Variants in FKBP5 observed in about 807,000 individuals in gnomAD.
The protein encoded by FKBP5 is peptidyl-prolyl cis-trans isomerase FKBP5.
FKBP5 carries 23 observed loss-of-function variants against 50.5 expected under a neutral mutation model. The ratio of observed to expected loss-of-function variants is 0.46; its 90% confidence interval spans 0.33 to 0.65. FKBP5 has a LOEUF of 0.65. Among genes scored for constraint, FKBP5 ranks in the 30% least tolerant of loss-of-function variants. FKBP5 has a pLI of 0.02. For synonymous variants in FKBP5, 176 were observed against 190.6 expected, an observed-to-expected ratio of 0.92 and a Z score of 0.63; for missense variants, 411 against 553.1, an observed-to-expected ratio of 0.74 and a Z score of 2.58.
chr6:35,707,829 A>G (rs149588390), intron 2 of FKBP5, among the ~76,000 whole-genome samples: 130 of 152,244 alleles, frequency 8.5e-4, no homozygotes, highest in Middle Eastern at 6.8e-3. Flanking sequence ...TTCTTGCATT[A>G]GTTTGCTAAA....
rs1766624376 is a variant in FKBP5, at chr6:35,722,211, C to A, written c.-240-1663G>T. ...TATGGCCTGTCCCCTTCCCAACTGC[C>A]AAGGATATAAGTTTCTTGAAAGCTG... is the stretch of plus-strand genomic sequence containing the variant. On this transcript the variant is annotated intron_variant, in intron 1 of 11. Coordinates refer to the FKBP5 transcript ENST00000536438. Among the ~76,000 whole-genome samples, 3 of 152,038 alleles carry A rather than the reference C, an allele frequency of 2.0e-5. 1 individual carries two copies. The South Asian group carries it at 6.2e-4, about 31-fold the overall frequency.
At chr6:35,701,340 T>G (rs2151018785) in intron 2 of FKBP5, among the ~76,000 whole-genome samples, 1 of 146,782 alleles carries the variant, frequency 6.8e-6, no homozygotes, top group South Asian at 2.2e-4. Flanking sequence ...GCCTCCCGGG[T>G]TCACGCCATT....
chr6:35,700,185 C>T (rs1341957555), intron 2 of FKBP5, among the ~76,000 whole-genome samples: 2 of 152,052 alleles, frequency 1.3e-5, no homozygotes, highest in Admixed American at 1.3e-4. Context: ...TTTTCTGAGA[C>T]AGTCTCGCTC....
intron 2 of FKBP5, among the ~76,000 whole-genome samples, chr6:35,708,996 T>C (rs1766368825): frequency 6.6e-6 from 1 of 152,186 alleles, no homozygotes; most frequent in Non-Finnish European, 1.5e-5. Context: ...TTAATTTTCT[T>C]TCACTAGCAG....
rs185571730 is a variant in FKBP5 at position 35,672,957 on chromosome 6, T to C, written c.-20+15847A>G. On this transcript the variant is annotated intron_variant, in intron 1 of 10. Transcript: ENST00000357266. ...AAAAAAAAAAGAAAAAAAGTACTTG[T>C]ACATTATGCAAATGTTCAAAATGCA... 3.0e-4 allele frequency among the ~76,000 whole-genome samples: 46 copies of C among 151,916 alleles called. No homozygotes were observed. In the East Asian group the frequency reaches 8.3e-3, roughly 28 times the overall value.
At chr6:35,705,634 T>C (rs766427212) in intron 2 of FKBP5, among the ~76,000 whole-genome samples, 3 of 152,052 alleles carry the variant, frequency 2.0e-5, no homozygotes, top group Non-Finnish European at 4.4e-5. Flanking sequence ...TAACTACCTA[T>C]GGACATTTCA....
At chr6:35,624,661 T>G (rs145214151) in intron 3 of FKBP5, among the ~76,000 whole-genome samples, 240 of 152,244 alleles carry the variant, frequency 1.6e-3, no homozygotes, top group African/African-American at 5.6e-3. Flanking sequence ...TAATAAGATT[T>G]ATTAAGATAC....
At chr6:35,682,960 A>T (rs959814915) in intron 1 of FKBP5, among the ~76,000 whole-genome samples, 28 of 150,274 alleles carry the variant, frequency 1.9e-4, no homozygotes, top group East Asian at 7.7e-4. Context: ...TTTCTTTTTT[A>T]AAAAAAGGTT....
chr6:35,650,257 C>T (rs1157251148), intron 1 of FKBP5, among the ~76,000 whole-genome samples: 1 of 143,086 alleles, frequency 7.0e-6, no homozygotes, highest in Admixed American at 7.2e-5. Flanking sequence ...GCCATGGTTG[C>T]ACCACTGCAC....
chr6:35,683,085 TAAAAAA>T (rs960356923), intron 1 of FKBP5, among the ~76,000 whole-genome samples: 1 of 146,640 alleles, frequency 6.8e-6, no homozygotes, highest in Admixed American at 6.9e-5. Context: ...GCTCTTTCTT[TAAAAAA>T]AAAAGTGTGT....
At chr6:35,609,615 A>G (rs968152712) in intron 5 of FKBP5, among the ~76,000 whole-genome samples, 1 of 152,012 alleles carries the variant, frequency 6.6e-6, no homozygotes, top group Non-Finnish European at 1.5e-5. Context: ...TAGATGTTTG[A>G]TTGGATGCAT....
At chr6:35,624,829 C>T (rs1478003446) in intron 3 of FKBP5, among the ~76,000 whole-genome samples, 1 of 152,182 alleles carries the variant, frequency 6.6e-6, no homozygotes, top group Non-Finnish European at 1.5e-5. Context: ...GTGCATCCTC[C>T]CTCACAAGTA....
At chr6:35,703,156 A>C (rs1348568508) in intron 2 of FKBP5, among the ~76,000 whole-genome samples, 1 of 152,100 alleles carries the variant, frequency 6.6e-6, no homozygotes, top group Non-Finnish European at 1.5e-5. Context: ...AGGCTGAGGC[A>C]GGAGAATTGC....
chr6:35,648,617 T>C (rs1471193958), intron 1 of FKBP5, among the ~76,000 whole-genome samples: 1 of 152,148 alleles, frequency 6.6e-6, no homozygotes, highest in Non-Finnish European at 1.5e-5. Context: ...TCATCAGCTA[T>C]ATTCAATATA....
chr6:35,620,486 T>C (rs1299137782), intron 3 of FKBP5, among the ~76,000 whole-genome samples: 1 of 151,504 alleles, frequency 6.6e-6, no homozygotes, highest in African/African-American at 2.4e-5. Flanking sequence ...CCCAGCACTT[T>C]GGGAGGCTGA....
Position 35,660,264 on chromosome 6 carries a change from ATT to A in FKBP5, c.-19-17423_-19-17422del, listed in dbSNP as rs773891773. 6.4e-5 allele frequency among the ~76,000 whole-genome samples: 3 copies of A among 46,728 alleles called. 1 individual carries two copies. Among genetic ancestry groups the A allele is most frequent in the African/African-American group, 2.2e-4 (3 of 13,494 alleles). The allele number at this position is 46,728 out of a possible 152,430, so 30.7% of individuals were successfully genotyped here. On this transcript the variant is annotated intron_variant, in intron 1 of 10. Transcript: ENST00000357266. ...AAGTCACTTTAAATGCATTGATGCT[ATT>A]TTTTTTTTTTTTTTTTTTTGAGACG...
chr6:35,625,206 C>G (rs1180407240), intron 3 of FKBP5, among the ~76,000 whole-genome samples: 1 of 152,094 alleles, frequency 6.6e-6, no homozygotes, highest in Non-Finnish European at 1.5e-5. Flanking sequence ...GCCTCAGACT[C>G]CCAAGTAGCT....
intron 2 of FKBP5, among the ~76,000 whole-genome samples, chr6:35,712,671 T>G (rs1183952994): frequency 6.6e-6 from 1 of 152,128 alleles, no homozygotes; most frequent in African/African-American, 2.4e-5. Context: ...GCTTTCACCC[T>G]GTCATGCAAA....
chr6:35,580,086 A>G lies in FKBP5; in HGVS notation c.976T>C (p.Cys326Arg). Residue 326 changes from cysteine to arginine, a missense_variant, in exon 9 of 11, where the codon TGC becomes CGC. Cys to Arg is a radical substitution (Grantham distance 180). Transcript: ENST00000357266. ...GTGTATTCTCTAAGCTTCAGGTAGCACATGGCCAGGTTCAGAAAGGCAGCA... is the reference window on the plus strand; with the variant it reads ...GTGTATTCTCTAAGCTTCAGGTAGCGCATGGCCAGGTTCAGAAAGGCAGCA... Reference protein sequence around the residue: ...LLAAFLNLAMCYLKLREYTKA... With the variant: ...LLAAFLNLAMRYLKLREYTKA... 1.9e-6 allele frequency: 3 copies of G among 1,614,218 alleles called. No homozygotes were observed. The highest frequency in any genetic ancestry group is 2.5e-6 in the Non-Finnish European group (3 of 1,180,018).
Sources: allele counts gnomAD v4.1 joint callset (sites outside exome capture counted in the v4.1 genomes callset), GRCh38; gene constraint gnomAD v4.1.1; transcripts MANE v1.5; gene names NCBI Gene and HGNC (gene_info 2026-07-23, HGNC 2026-07-21).